The following FREM3 variants were observed in gnomAD, a reference collection of about 807,000 sequenced individuals.
The protein encoded by FREM3 is FRAS1 related extracellular matrix 3, also known as FRAS1-related extracellular matrix protein 3.
In FREM3, 105 loss-of-function variants were observed where a neutral mutation model predicts 129.1. The ratio of observed to expected loss-of-function variants is 0.81; its 90% CI spans 0.69 to 0.96. The LOEUF (loss-of-function observed/expected upper bound fraction) is 0.96. FREM3 is among the 40% of genes least tolerant of loss of function. The pLI is 0.00. For missense variants in FREM3, 2,593 were observed against 2,666.3 expected (o/e 0.97, Z 0.61); for synonymous variants, 1,014 against 1,044.9 (o/e 0.97, Z 0.57).
Position 143,697,861 on chromosome 4 carries a change from C to A in FREM3, c.2815G>T (p.Ala939Ser). 6.5e-7 allele frequency: 1 copy of A among 1,537,782 alleles called. No homozygotes were observed. Among genetic ancestry groups the A allele is most frequent in the Non-Finnish European group, 8.7e-7 (1 of 1,146,984 alleles). Residue 939 changes from alanine to serine, a missense_variant, in exon 1 of 8, where the codon GCT becomes TCT. Ala to Ser is a moderately conservative substitution (Grantham distance 99). Coordinates refer to ENST00000329798, the MANE Select transcript of FREM3 (RefSeq NM_001168235.2). ...AGAGAGATCCTAGGACTTCTGTTAG[C>A]CACATTGGGATGCACAGAAATTGGG... is the stretch of plus-strand genomic sequence containing the variant. ...TIPISVHPNV[A>S]NRSPRISLRS...
rs1419882237 is a variant in FREM3, at chr4:143,699,473, G to A, written c.1203C>T (p.Leu401=). ...CCACCACCTCCAGCTCCAGCTGAAAGAGGCGCTCCCCATGGGAGTTCTCTG... is the reference window on the plus strand; with the variant it reads ...CCACCACCTCCAGCTCCAGCTGAAAAAGGCGCTCCCCATGGGAGTTCTCTG... ...PPAENSHGER[L]FQLELEVVDG... Residue 401 remains leucine (L), a synonymous_variant, in exon 1 of 8, where the codon CTC becomes CTT. Transcript: ENST00000329798. The surrounding 1 kb of genome is among the most constrained non-coding windows in gnomAD (Gnocchi z 4.2). 2 of 1,537,324 alleles carry A rather than the reference G, an allele frequency of 1.3e-6. No individual in the cohort carries two copies. The highest frequency in any genetic ancestry group is 2.4e-5 in the South Asian group (2 of 84,064).
At chr4:143,682,164 A>T (rs1431674637) in intron 2 of FREM3, among the ~76,000 whole-genome samples, 1 of 152,170 alleles carries the variant, frequency 6.6e-6, no homozygotes, top group South Asian at 2.1e-4. Flanking sequence ...CTAGTGAGGC[A>T]AGAGAATAGG....
intron 2 of FREM3, among the ~76,000 whole-genome samples, chr4:143,650,680 C>G (rs62339283): frequency 1.3e-5 from 2 of 152,226 alleles, no homozygotes; most frequent in East Asian, 3.9e-4. Context: ...TCTGTAGAAA[C>G]GACATCTTTC....
At chr4:143,662,182 G>T (rs566795240) in intron 2 of FREM3, among the ~76,000 whole-genome samples, 329 of 152,236 alleles carry the variant, frequency 2.2e-3, no homozygotes, top group African/African-American at 7.6e-3. Context: ...TGTGATGTTA[G>T]GGTGTCAGTT....
At chr4:143,602,501 C>T (rs555768770) in intron 6 of FREM3, among the ~76,000 whole-genome samples, 1 of 152,120 alleles carries the variant, frequency 6.6e-6, no homozygotes, top group Non-Finnish European at 1.5e-5. Flanking sequence ...AAAAGTCATA[C>T]ACTACAGCTG....
intron 2 of FREM3, among the ~76,000 whole-genome samples, chr4:143,678,246 T>C (rs1182958914): frequency 6.6e-6 from 1 of 152,150 alleles, no homozygotes; most frequent in Non-Finnish European, 1.5e-5. Flanking sequence ...TGTAGAGACA[T>C]GGATAAAGCT....
chr4:143,691,418 TA>T (rs11302181), intron 2 of FREM3, among the ~76,000 whole-genome samples: 46,305 of 149,800 alleles, frequency 0.31, 7,314 homozygotes, highest in Middle Eastern at 0.36. Flanking sequence ...ATGGAAAAAT[TA>T]AAAAAAAAAG....
intron 2 of FREM3, among the ~76,000 whole-genome samples, chr4:143,659,431 A>G (rs1252625351): frequency 6.6e-6 from 1 of 152,138 alleles, no homozygotes; most frequent in African/African-American, 2.4e-5. Flanking sequence ...TTATGGCTGC[A>G]TAGTATTCCA....
At chr4:143,668,623 C>T (rs1739908508) in intron 2 of FREM3, among the ~76,000 whole-genome samples, 1 of 152,208 alleles carries the variant, frequency 6.6e-6, no homozygotes, top group Non-Finnish European at 1.5e-5. Flanking sequence ...AGGGCATGGG[C>T]CTCTGAAAAC....
chr4:143,617,342 G>A (rs1344448476), intron 5 of FREM3, among the ~76,000 whole-genome samples: 2 of 152,080 alleles, frequency 1.3e-5, no homozygotes, highest in Non-Finnish European at 2.9e-5. Flanking sequence ...ATAGAGACCA[G>A]GGATGCTGCT....
At chr4:143,677,231 T>A (rs942686788) in intron 2 of FREM3, among the ~76,000 whole-genome samples, 2 of 151,970 alleles carry the variant, frequency 1.3e-5, no homozygotes, top group Non-Finnish European at 2.9e-5. Flanking sequence ...CCCTCAGAAA[T>A]AATACCACAC....
intron 2 of FREM3, among the ~76,000 whole-genome samples, chr4:143,682,535 T>C (rs980772826): frequency 2.0e-5 from 3 of 152,174 alleles, no homozygotes; most frequent in African/African-American, 7.2e-5. Flanking sequence ...AGCCACTGCT[T>C]GGGTCTGCTC....
rs1210207768 is a variant in FREM3 at position 143,585,973 on chromosome 4, C to T, written c.6049G>A (p.Asp2017Asn). ...CTTTCATTGACGTGATATTCAGCAT[C>T]CCCAAAGTGCAGGACAGGTTCTAAA... ...RYDEPVLHFG[D>N]AEYHVNESAR... Residue 2017 changes from aspartate to asparagine, a missense_variant, in exon 7 of 8, where the codon GAT becomes AAT. Coordinates refer to ENST00000329798, the MANE Select transcript of FREM3 (RefSeq NM_001168235.2). The surrounding 1 kb of genome is among the most constrained non-coding windows in gnomAD (Gnocchi z 4.2). 3.9e-6 allele frequency: 6 copies of T among 1,537,676 alleles called. No homozygotes were observed. Among genetic ancestry groups the T allele is most frequent in the South Asian group, 2.4e-5 (2 of 84,048 alleles).
chr4:143,584,489 A>C (rs981011990), intron 7 of FREM3, among the ~76,000 whole-genome samples: 1 of 152,192 alleles, frequency 6.6e-6, no homozygotes, highest in Non-Finnish European at 1.5e-5. Flanking sequence ...TTCTAATTTC[A>C]GACAAAACAG....
At chr4:143,645,991 C>A (rs1185543662) in intron 2 of FREM3, among the ~76,000 whole-genome samples, 1 of 152,148 alleles carries the variant, frequency 6.6e-6, no homozygotes, top group East Asian at 1.9e-4. Flanking sequence ...TATATGTATT[C>A]TTTGCAACAA....
intron 5 of FREM3, among the ~76,000 whole-genome samples, chr4:143,618,312 A>G (rs1266185395): frequency 6.6e-6 from 1 of 152,062 alleles, no homozygotes; most frequent in African/African-American, 2.4e-5. Flanking sequence ...AACTCCCTGC[A>G]TAGCTGGTGC....
At chr4:143,610,838 A>G (rs12502464) in intron 6 of FREM3, among the ~76,000 whole-genome samples, 50,776 of 151,976 alleles carry the variant, frequency 0.33, 9,814 homozygotes, top group South Asian at 0.44. Flanking sequence ...CTAGGTAACC[A>G]TAAAAAGAGG....
At chr4:143,694,086 A>G (rs1043629616) in intron 1 of FREM3, among the ~76,000 whole-genome samples, 6 of 152,312 alleles carry the variant, frequency 3.9e-5, no homozygotes, top group African/African-American at 1.4e-4. Flanking sequence ...AATCTGTACA[A>G]CAGACCAGCA....
intron 2 of FREM3, among the ~76,000 whole-genome samples, chr4:143,661,837 A>T (rs1009830529): frequency 6.6e-6 from 1 of 152,138 alleles, no homozygotes; most frequent in Non-Finnish European, 1.5e-5. Context: ...TGTGTGAAGG[A>T]ATTTATCCAT....
Sources: gnomAD v4.1 joint callset for allele counts (sites outside exome capture counted in the v4.1 genomes callset) on GRCh38, gnomAD v4.1.1 for gene constraint, Gnocchi (gnomAD v3.1) non-coding constraint, MANE v1.5 for transcripts, NCBI Gene and HGNC (gene_info 2026-07-23, HGNC 2026-07-21) for gene names.